NUP98: variants seen among roughly 807,000 people sequenced by gnomAD.
The protein encoded by NUP98 is nuclear pore complex protein Nup98-Nup96.
Under a neutral mutation model 191.9 loss-of-function variants are expected in NUP98, and 26 were observed. The observed-to-expected ratio is 0.14, with a 90% CI of 0.10 to 0.19. The LOEUF (loss-of-function observed/expected upper bound fraction) is 0.19, where lower values mean the gene tolerates loss of function less well. NUP98 is among the 10% of genes least tolerant of loss of function. The pLI is 1.00. For synonymous variants in NUP98, 808 were observed against 778.4 expected (o/e 1.04, Z -0.63); for missense variants, 1,941 against 2,178.8 (o/e 0.89, Z 2.17).
At chr11:3,681,340 CTACAAA>C (rs1366231630) in intron 30 of NUP98, among the ~76,000 whole-genome samples, 1 of 152,188 alleles carries the variant, frequency 6.6e-6, no homozygotes, top group Admixed American at 6.5e-5. Flanking sequence ...CGTGCCTGGC[CTACAAA>C]TACATCTACA....
At chr11:3,765,216 G>T (rs1025595459) in intron 8 of NUP98, among the ~76,000 whole-genome samples, 6 of 152,050 alleles carry the variant, frequency 3.9e-5, no homozygotes, top group Non-Finnish European at 7.4e-5. Flanking sequence ...TAGAGATAGG[G>T]TCTCATTATG....
chr11:3,681,705 T>G (rs1363889912), intron 30 of NUP98, among the ~76,000 whole-genome samples: 1 of 152,202 alleles, frequency 6.6e-6, no homozygotes, highest in Non-Finnish European at 1.5e-5. Context: ...GCTTTGTTTT[T>G]CCGTTTACAG....
chr11:3,705,423 G>T (rs2078830712), intron 21 of NUP98, 67 bp from the exon 22 acceptor site: 1 of 1,530,354 alleles, frequency 6.5e-7, no homozygotes, highest in Non-Finnish European at 8.9e-7. Context: ...AAAAAAAAAT[G>T]CAGTTTACAA....
Position 3,707,898 on chromosome 11 carries a change from C to T in NUP98, c.2743-1271G>A, listed in dbSNP as rs547132485. Among the ~76,000 whole-genome samples, 340 of 152,066 alleles carry T rather than the reference C, an allele frequency of 2.2e-3. 2 individuals carry two copies. Among genetic ancestry groups the T allele is most frequent in the Non-Finnish European group, 3.9e-3 (262 of 67,982 alleles). ...AGTGGATCACCTGAGGTCAGGAGTT[C>T]GAGACCAGCCTGGTCAACATGAAGA... On this transcript the variant is annotated intron_variant, in intron 20 of 32. Transcript: ENST00000324932.
intron 1 of NUP98, among the ~76,000 whole-genome samples, chr11:3,790,060 G>C (rs2133980750): frequency 6.6e-6 from 1 of 152,304 alleles, no homozygotes; most frequent in Admixed American, 6.5e-5. Context: ...TAGCATTACA[G>C]GCGTGAGCCA....
chr11:3,783,186 G>C (rs1213893785), intron 1 of NUP98, among the ~76,000 whole-genome samples: 1 of 152,104 alleles, frequency 6.6e-6, no homozygotes, highest in Non-Finnish European at 1.5e-5. Flanking sequence ...GAGCCCAGGA[G>C]TTCGAGACCA....
At chr11:3,700,180 C>T (rs144459536) in intron 24 of NUP98, among the ~76,000 whole-genome samples, 1,680 of 151,392 alleles carry the variant, frequency 0.011, 32 homozygotes, top group African/African-American at 0.038. Context: ...ATGGTGAAAC[C>T]CTGTCTCTAC....
At chr11:3,789,522 G>GTTTTTTTTTTTTT (rs2082262488) in intron 1 of NUP98, among the ~76,000 whole-genome samples, 1 of 29,522 alleles carries the variant, frequency 3.4e-5, no homozygotes, top group Admixed American at 3.3e-4. Context: ...TTTTTTTTTT[G>GTTTTTTTTTTTTT]GTTTTTGTTT....
intron 26 of NUP98, among the ~76,000 whole-genome samples, chr11:3,694,418 T>G (rs2078432346): frequency 1.4e-5 from 2 of 146,836 alleles, no homozygotes; most frequent in Non-Finnish European, 1.5e-5. Context: ...CATGAAAAAA[T>G]ATTCACATAC....
chr11:3,733,795 G>C (rs2134296367), intron 13 of NUP98, among the ~76,000 whole-genome samples: 1 of 152,250 alleles, frequency 6.6e-6, no homozygotes, highest in Admixed American at 6.5e-5. Flanking sequence ...GTAAACTTAA[G>C]TGCTTGTATG....
intron 7 of NUP98, among the ~76,000 whole-genome samples, chr11:3,769,826 T>C (rs1436609037): frequency 6.6e-6 from 1 of 150,618 alleles, no homozygotes; most frequent in Non-Finnish European, 1.5e-5. Context: ...GGGTGGATCA[T>C]AAGGTCTGGA....
intron 1 of NUP98, among the ~76,000 whole-genome samples, chr11:3,785,059 A>T (rs1392422706): frequency 2.0e-5 from 3 of 148,296 alleles, no homozygotes; most frequent in Non-Finnish European, 3.0e-5. Context: ...AATTGCTTGA[A>T]CCCCAGAGGT....
chr11:3,722,460 AAT>A (rs148681790), intron 16 of NUP98, among the ~76,000 whole-genome samples: 19 of 148,776 alleles, frequency 1.3e-4, no homozygotes, highest in East Asian at 1.2e-3. Context: ...TAAGTAACCA[AAT>A]ATATATATAT....
rs555873232 is a variant in NUP98, at chr11:3,732,234, C to A, written c.1543-656G>T. Among the ~76,000 whole-genome samples the A allele has an allele frequency of 7.2e-5, 11 of 152,054 alleles. No homozygotes were observed. The East Asian group carries it at 1.9e-3, about 27-fold the overall frequency. On this transcript the variant is annotated intron_variant, in intron 13 of 32. Coordinates refer to ENST00000324932, the MANE Select transcript of NUP98 (RefSeq NM_016320.5). The stretch of plus-strand genomic sequence containing the variant: ...CTGCACTCCAGCCTGGGTGACAGAG[C>A]GAGACTCTTTCCCCAAAAAAATCCA...
At chr11:3,728,863 A>G (rs895439701) in intron 14 of NUP98, among the ~76,000 whole-genome samples, 8 of 152,232 alleles carry the variant, frequency 5.3e-5, no homozygotes, top group African/African-American at 1.9e-4. Flanking sequence ...AACTATACAG[A>G]TTCTAAGTAA....
chr11:3,768,237 C>T (rs1193571079), intron 8 of NUP98, among the ~76,000 whole-genome samples: 3 of 151,866 alleles, frequency 2.0e-5, no homozygotes, highest in East Asian at 1.9e-4. Context: ...CTGGCAAACA[C>T]GGTGAAACCC....
At chr11:3,686,332 T>A in intron 28 of NUP98, 138 bp from the exon 29 acceptor site, 1 of 705,284 alleles carries the variant, frequency 1.4e-6, no homozygotes, top group Non-Finnish European at 2.4e-6. Flanking sequence ...CCTCTGAGCC[T>A]ATGTTTTATC....
intron 12 of NUP98, among the ~76,000 whole-genome samples, chr11:3,741,832 C>G (rs1473085202): frequency 6.6e-6 from 1 of 152,188 alleles, no homozygotes; most frequent in African/African-American, 2.4e-5. Context: ...GTAATGGTTA[C>G]TGCAAGAAGG....
At chr11:3,763,581 G>A (rs974961435) in intron 8 of NUP98, among the ~76,000 whole-genome samples, 6 of 151,930 alleles carry the variant, frequency 3.9e-5, no homozygotes, top group Non-Finnish European at 7.4e-5. Flanking sequence ...TTTTTGATAC[G>A]GAGTTTCGTT....
Sources: allele counts gnomAD v4.1 joint callset (sites outside exome capture counted in the v4.1 genomes callset), GRCh38; gene constraint gnomAD v4.1.1; transcripts MANE v1.5; gene names NCBI Gene and HGNC (gene_info 2026-07-23, HGNC 2026-07-21).